Variants in GIN1 observed in about 807,000 individuals in gnomAD.
GIN1 encodes the protein gypsy retrotransposon integrase-like protein 1.
In GIN1, 41 loss-of-function variants were observed where a neutral mutation model predicts 51.4. The ratio of observed to expected loss-of-function variants is 0.80; its 90% CI spans 0.62 to 1.04. The LOEUF is 1.04. Among genes scored for constraint, GIN1 ranks in the 50% least tolerant of loss-of-function variants. The pLI is 0.00. For synonymous variants in GIN1, 222 were observed against 206.5 expected, an observed-to-expected ratio of 1.07 and a Z score of -0.64; for missense variants, 610 against 612.4, an observed-to-expected ratio of 1.00 and a Z score of 0.04.
At chr5:103,106,977 T>TG in intron 2 of GIN1, 68 bp from the exon 3 acceptor site, 1 of 778,048 alleles carries the variant, frequency 1.3e-6, no homozygotes, top group Non-Finnish European at 2.0e-6. Context: ...AAGAGAATCA[T>TG]AGCCTTCTCT....
chr5:103,087,811 A>G lies in GIN1; in HGVS notation c.*87T>C, dbSNP rs543714652. Reference sequence around the variant, plus strand: ...ATAGTCATTAAGAATGTGTCAAGATACTTCTTCTATACAACGTTTTTAATG... The same window carrying G: ...ATAGTCATTAAGAATGTGTCAAGATGCTTCTTCTATACAACGTTTTTAATG... On this transcript the variant is annotated 3_prime_UTR_variant, in exon 8 of 8. Transcript: ENST00000399004. The G allele has an allele frequency of 3.4e-6, 2 of 595,622 alleles. No homozygotes were observed. Among genetic ancestry groups the G allele is most frequent in the South Asian group, 4.8e-5 (2 of 42,002 alleles). The allele number at this position is 595,622 out of a possible 1,614,324, so 36.9% of individuals were successfully genotyped here. A position where few individuals can be genotyped will look rare whatever the true frequency, so the allele number is the denominator to read the frequency against.
At chr5:103,107,265 T>C (rs1787753333) in intron 2 of GIN1, among the ~76,000 whole-genome samples, 1 of 152,082 alleles carries the variant, frequency 6.6e-6, no homozygotes, top group African/African-American at 2.4e-5. Flanking sequence ...TGGCATAGAT[T>C]AGCAAATAAA....
chr5:103,104,991 G>T (rs1583125679), intron 3 of GIN1, 145 bp from the exon 4 acceptor site: 2 of 579,978 alleles, frequency 3.4e-6, no homozygotes, highest in South Asian at 4.7e-5. Flanking sequence ...GAGAATCACT[G>T]GATTAAACCT....
chr5:103,104,794 G>A lies in GIN1; in HGVS notation c.386C>T (p.Pro129Leu), dbSNP rs782513742. 5.6e-6 allele frequency: 9 copies of A among 1,611,864 alleles called. No homozygotes were observed. The highest frequency in any genetic ancestry group is 7.6e-6 in the Non-Finnish European group (9 of 1,178,378). Residue 129 changes from proline to leucine, a missense_variant, in exon 4 of 8, where the codon CCG becomes CTG. By Grantham distance (98) the Pro-to-Leu change is moderately conservative (BLOSUM62 -3). Transcript: ENST00000399004. ...QVAKNTVIVA[P>L]KQHLLKVENP... ...TTCCACCTTGAGAAGGTGCTGTTTCGGTGCTACAATAACTGTATTTTTTGC... is the reference window on the plus strand; with the variant it reads ...TTCCACCTTGAGAAGGTGCTGTTTCAGTGCTACAATAACTGTATTTTTTGC...
chr5:103,098,477 C>CT (rs1375146844), intron 4 of GIN1, among the ~76,000 whole-genome samples: 4 of 151,686 alleles, frequency 2.6e-5, no homozygotes, highest in Admixed American at 6.6e-5. Flanking sequence ...TAATTTTTTT[C>CT]TTTTTTTTGG....
chr5:103,097,638 C>T lies in GIN1; in HGVS notation c.783G>A (p.Trp261Ter). The T allele has an allele frequency of 6.2e-7, 1 of 1,612,304 alleles. No individual in the cohort carries two copies. Among genetic ancestry groups the T allele is most frequent in the South Asian group, 1.1e-5 (1 of 91,044 alleles). The part of the protein sequence containing the change: ...SKHCADHPNN[W>*]DDHLSAVSFA... ...ATGAAACAGCTGATAGGTGATCATCCCAATTGTTTGGGTGGTCAGCACAGT... is the reference window on the plus strand; with the variant it reads ...ATGAAACAGCTGATAGGTGATCATCTCAATTGTTTGGGTGGTCAGCACAGT... Residue 261 changes from tryptophan (W) to a stop codon, truncating the protein, a stop_gained, in exon 5 of 8, where the codon TGG becomes TGA. Coordinates refer to ENST00000399004, the MANE Select transcript of GIN1 (RefSeq NM_017676.2). LOFTEE classifies it high-confidence loss of function.
Position 103,104,843 on chromosome 5 carries a change from A to G in GIN1, c.337T>C (p.Tyr113His), listed in dbSNP as rs1554196130. 1.6e-5 allele frequency: 25 copies of G among 1,576,822 alleles called. No individual in the cohort carries two copies. Among genetic ancestry groups the G allele is most frequent in the Non-Finnish European group, 2.0e-5 (23 of 1,153,368 alleles). ...SVTNDVKQWVYACQHCQVAKN... is the reference protein window; with the variant it reads ...SVTNDVKQWVHACQHCQVAKN... ...GCCACTTGGCAATGCTGACAAGCATATACCTACAACAGGCACACAATAAAG... is the reference window on the plus strand; with the variant it reads ...GCCACTTGGCAATGCTGACAAGCATGTACCTACAACAGGCACACAATAAAG... Residue 113 changes from tyrosine to histidine, a missense_variant, in exon 4 of 8, where the codon TAT (tyrosine) becomes CAT (histidine). Transcript: ENST00000399004.
rs1181467919 is a variant in GIN1 at position 103,104,717 on chromosome 5, T to A, written c.463A>T (p.Asn155Tyr). ...ATTATAGCATATACATGACTTCTGT[T>A]GCTTGTATGAAAAGGCCCCATCAGA... ...VDLMGPFHTS[N>Y]RSHVYAIIMT... Residue 155 changes from asparagine (N) to tyrosine (Y), a missense_variant, in exon 4 of 8, where the codon AAC (asparagine) becomes TAC (tyrosine). Coordinates refer to ENST00000399004, the MANE Select transcript of GIN1 (RefSeq NM_017676.2). The A allele has an allele frequency of 6.2e-7, 1 of 1,612,806 alleles. No homozygotes were observed. Among genetic ancestry groups the A allele is most frequent in the Non-Finnish European group, 8.5e-7 (1 of 1,178,950 alleles).
chr5:103,100,705 T>C (rs1554195696), intron 4 of GIN1, among the ~76,000 whole-genome samples: 1 of 152,054 alleles, frequency 6.6e-6, no homozygotes, highest in East Asian at 1.9e-4. Flanking sequence ...TTGTTACCTT[T>C]AGAAAAATTT....
intron 1 of GIN1, among the ~76,000 whole-genome samples, chr5:103,118,609 TAG>T (rs1788155586): frequency 6.6e-6 from 1 of 152,096 alleles, no homozygotes; most frequent in African/African-American, 2.4e-5. Flanking sequence ...GTTCTGGAGG[TAG>T]AGAGACAGAT....
rs116334347 is a variant in GIN1 at position 103,093,110 on chromosome 5, T to C, written c.1294+3431A>G. On this transcript the variant is annotated intron_variant, in intron 7 of 7. Coordinates refer to ENST00000399004, the MANE Select transcript of GIN1 (RefSeq NM_017676.2). ...TTTGTTTCATGAATGCAGACCATAA[T>C]TGTGGTAGGCAGCATAATAGGCCCC... Among the ~76,000 whole-genome samples, 334 of 152,160 alleles carry C rather than the reference T, an allele frequency of 2.2e-3. 1 individual carries two copies. The highest frequency in any genetic ancestry group is 7.2e-3 in the African/African-American group (300 of 41,514).
At chr5:103,091,172 A>G (rs1419854690) in intron 7 of GIN1, among the ~76,000 whole-genome samples, 1 of 152,230 alleles carries the variant, frequency 6.6e-6, no homozygotes, top group African/African-American at 2.4e-5. Flanking sequence ...TAATTTCAGT[A>G]AAGAGATCAG....
chr5:103,110,461 T>C (rs1329574954), intron 1 of GIN1, among the ~76,000 whole-genome samples: 1 of 152,132 alleles, frequency 6.6e-6, no homozygotes, highest in Non-Finnish European at 1.5e-5. Context: ...TAAAAGAGAA[T>C]ATCCAATGGT....
chr5:103,087,718 A>G lies in GIN1; in HGVS notation c.*180T>C. The G allele has an allele frequency of 2.5e-6, 1 of 403,876 alleles. No individual in the cohort carries two copies. The highest frequency in any genetic ancestry group is 4.3e-6 in the Non-Finnish European group (1 of 230,332). The allele number at this position is 403,876 out of a possible 1,614,324, so 25.0% of individuals were successfully genotyped here. On this transcript the variant is annotated 3_prime_UTR_variant, in exon 8 of 8. Transcript: ENST00000399004. ...TATTACATGCTTCCTTTGCCTTCAT[A>G]TGTACGTATACTGATATTCAAATGT... is the stretch of plus-strand genomic sequence containing the variant.
At chr5:103,117,307 TTC>T (rs1314998123) in intron 1 of GIN1, among the ~76,000 whole-genome samples, 11 of 152,216 alleles carry the variant, frequency 7.2e-5, no homozygotes, top group African/African-American at 2.6e-4. Flanking sequence ...TATTTTATAT[TTC>T]TGTTTATATG....
At chr5:103,111,941 C>A (rs1226593612) in intron 1 of GIN1, among the ~76,000 whole-genome samples, 2 of 152,150 alleles carry the variant, frequency 1.3e-5, no homozygotes, top group East Asian at 1.9e-4. Flanking sequence ...AATAAATATA[C>A]AAAAACTTCT....
At chr5:103,114,956 C>T (rs1449895305) in intron 1 of GIN1, among the ~76,000 whole-genome samples, 5 of 151,996 alleles carry the variant, frequency 3.3e-5, no homozygotes, top group Non-Finnish European at 7.4e-5. Context: ...AGTATAGTTA[C>T]AGTATAGCAG....
At chr5:103,111,127 A>G (rs565776188) in intron 1 of GIN1, among the ~76,000 whole-genome samples, 1 of 152,062 alleles carries the variant, frequency 6.6e-6, no homozygotes, top group East Asian at 1.9e-4. Context: ...CTGTTTGTCT[A>G]CCCATCCATT....
chr5:103,111,843 C>T (rs1787894696), intron 1 of GIN1, among the ~76,000 whole-genome samples: 1 of 152,074 alleles, frequency 6.6e-6, no homozygotes, highest in African/African-American at 2.4e-5. Context: ...CCTGGAGAGA[C>T]CAGAAAATTT....
Sources: gnomAD v4.1 joint callset for allele counts (sites outside exome capture counted in the v4.1 genomes callset) on GRCh38, gnomAD v4.1.1 for gene constraint, MANE v1.5 for transcripts, NCBI Gene and HGNC (gene_info 2026-07-23, HGNC 2026-07-21) for gene names.